IRAK3: variants seen among roughly 807,000 people sequenced by gnomAD.
IRAK3 encodes the protein interleukin-1 receptor-associated kinase 3.
IRAK3 carries 57 observed loss-of-function variants against 56.6 expected under a neutral mutation model. The observed-to-expected ratio is 1.01, with a 90% confidence interval of 0.81 to 1.26. IRAK3 has a LOEUF of 1.26. Among genes scored for constraint, IRAK3 ranks in the 50% most tolerant of loss-of-function variants. IRAK3 has a pLI of 0.00. For missense variants in IRAK3, 703 were observed against 719.0 expected (o/e 0.98, Z 0.25); for synonymous variants, 258 against 255.7 (o/e 1.01, Z -0.09).
intron 1 of IRAK3, among the ~76,000 whole-genome samples, chr12:66,191,398 C>T (rs1463544270): frequency 6.6e-6 from 1 of 152,194 alleles, no homozygotes; most frequent in Non-Finnish European, 1.5e-5. Context: ...TTGTTAGATA[C>T]TGTAGACGGT....
Position 66,247,982 on chromosome 12 carries a change from G to A in IRAK3, c.1602G>A (p.Met534Ile), listed in dbSNP as rs922959047. The A allele has an allele frequency of 6.2e-7, 1 of 1,607,398 alleles. No individual in the cohort carries two copies. Among genetic ancestry groups the A allele is most frequent in the Non-Finnish European group, 8.5e-7 (1 of 1,177,406 alleles). The change falls in exon 12 of 12, where the codon ATG becomes ATA. Residue 534 changes from methionine (M) to isoleucine (I), a missense_variant. Physicochemically the swap from Met to Ile is conservative, Grantham distance 10 (BLOSUM62 1). Transcript: ENST00000261233. ...AGAGAAATGAGGAAGCTTGCAACAT[G>A]CCCAGTTCTTCTTGTGAAGAAAGTT... ...ESKRNEEACN[M>I]PSSSCEESWF... is the part of the protein sequence containing the mutation.
chr12:66,224,387 A>G (rs2052765610), intron 6 of IRAK3, among the ~76,000 whole-genome samples: 1 of 152,224 alleles, frequency 6.6e-6, no homozygotes, highest in Non-Finnish European at 1.5e-5. Context: ...GACAATTTCA[A>G]TAATCTAATT....
At chr12:66,190,952 C>T (rs1565796274) in intron 1 of IRAK3, among the ~76,000 whole-genome samples, 1 of 152,200 alleles carries the variant, frequency 6.6e-6, no homozygotes, top group African/African-American at 2.4e-5. Flanking sequence ...AAGAACAATT[C>T]AGTGATCCAT....
intron 1 of IRAK3, among the ~76,000 whole-genome samples, chr12:66,189,869 TTAA>T (rs1337254345): frequency 6.6e-6 from 1 of 152,208 alleles, no homozygotes; most frequent in Non-Finnish European, 1.5e-5. Context: ...AGCCCCTAAC[TTAA>T]TTACAAGTGA....
At position 66,244,671 on chromosome 12, in the gene IRAK3, A is replaced by G; in HGVS notation, c.1073A>G (p.Tyr358Cys). The change falls in exon 9 of 12, where the codon TAC (tyrosine) becomes TGC (cysteine). Residue 358 changes from tyrosine (Y) to cysteine (C), a missense_variant. Physicochemically the swap from Tyr to Cys is radical, Grantham distance 194. Transcript: ENST00000261233. ...AAACTTTCCATTAAAACAGATGTCT[A>G]CAGCTTTGGAATTGTGAGTACCAAC... is the stretch of plus-strand genomic sequence containing the variant. ...QGKLSIKTDV[Y>C]SFGIVIMEVL... 3 of 1,613,534 alleles carry G rather than the reference A, an allele frequency of 1.9e-6. No individual in the cohort carries two copies. The highest frequency in any genetic ancestry group is 2.5e-6 in the Non-Finnish European group (3 of 1,179,420).
chr12:66,193,155 G>T (rs1487526039), intron 1 of IRAK3, among the ~76,000 whole-genome samples: 1 of 151,850 alleles, frequency 6.6e-6, no homozygotes, highest in Non-Finnish European at 1.5e-5. Flanking sequence ...TTACAGGCAT[G>T]CACCACCATG....
At chr12:66,239,500 G>A (rs900551952) in intron 8 of IRAK3, among the ~76,000 whole-genome samples, 1 of 152,170 alleles carries the variant, frequency 6.6e-6, no homozygotes, top group Admixed American at 6.5e-5. Flanking sequence ...CAGACGGGAA[G>A]GTTGGAGCCC....
At chr12:66,204,038 T>C (rs534216798) in intron 2 of IRAK3, 145 bp downstream of exon 2, 1 of 698,308 alleles carries the variant, frequency 1.4e-6, no homozygotes, top group South Asian at 1.7e-5. Flanking sequence ...GAAGGGACTT[T>C]CCAGCTTCAC....
intron 5 of IRAK3, among the ~76,000 whole-genome samples, chr12:66,216,277 A>G (rs2136929406): frequency 6.6e-6 from 1 of 152,356 alleles, no homozygotes; most frequent in South Asian, 2.1e-4. Context: ...GGCTCCCAGG[A>G]CAATGGTCTT....
At chr12:66,198,259 T>C (rs948786650) in intron 1 of IRAK3, 8 of 205,066 alleles carry the variant, frequency 3.9e-5, no homozygotes, top group African/African-American at 1.9e-4. Flanking sequence ...AAAAATATAT[T>C]GAACGTGTAC....
intron 1 of IRAK3, chr12:66,197,369 A>T: frequency 1.0e-6 from 1 of 999,868 alleles, no homozygotes. Flanking sequence ...AATGATAAAT[A>T]TTGAAGAATG....
intron 5 of IRAK3, among the ~76,000 whole-genome samples, chr12:66,215,786 GCACACACACACACACA>G (rs71096080): frequency 1.5e-4 from 18 of 122,834 alleles, no homozygotes; most frequent in African/African-American, 5.0e-4. Context: ...AACCCAACAT[GCACACACACACACACA>G]CACACACACA....
In IRAK3 at chr12:66,204,866, A is replaced by G. The variant is rs185136802; in HGVS notation, c.316+973A>G. 7.2e-5 allele frequency among the ~76,000 whole-genome samples: 11 copies of G among 151,914 alleles called. 1 individual carries two copies. In the East Asian group the frequency reaches 1.7e-3, roughly 24 times the overall value. ...ACCAGAAAACTGTAGCTTCACATTG[A>G]CTTTTATTTTGATCTTTCCTATTAT... On this transcript the variant is annotated intron_variant, in intron 2 of 11. Coordinates refer to ENST00000261233, the MANE Select transcript of IRAK3 (RefSeq NM_007199.3).
intron 6 of IRAK3, among the ~76,000 whole-genome samples, chr12:66,221,141 G>A (rs1332354867): frequency 6.6e-6 from 1 of 152,032 alleles, no homozygotes. Flanking sequence ...TTGTAAATAG[G>A]ATCATTTCCT....
chr12:66,230,123 ATGTCCC>A (rs1160612239), intron 8 of IRAK3, among the ~76,000 whole-genome samples: 1 of 152,202 alleles, frequency 6.6e-6, no homozygotes, highest in Non-Finnish European at 1.5e-5. Context: ...AGCTCTGCCC[ATGTCCC>A]GTTCTTTTTC....
chr12:66,202,615 C>CA (rs1274633918), intron 1 of IRAK3, among the ~76,000 whole-genome samples: 1 of 150,376 alleles, frequency 6.6e-6, no homozygotes, highest in Non-Finnish European at 1.5e-5. Context: ...CCATCTCTAC[C>CA]AAAAAAGAAA....
Position 66,203,682 on chromosome 12 carries a change from A to G in IRAK3, c.134-29A>G, listed in dbSNP as rs181697271. ...TATTTTGATAAAAGTACAGTAAACA[A>G]TTCTTTGTTTATATTGCAATTTCCA... On this transcript the variant is annotated intron_variant, in intron 1 of 11. Transcript: ENST00000261233. 5.2e-4 allele frequency: 833 copies of G among 1,605,498 alleles called. 3 individuals carry two copies. The highest frequency in any genetic ancestry group is 6.6e-5 in the South Asian group (6 of 90,860).
chr12:66,211,172 G>T (rs1250924007), intron 4 of IRAK3, among the ~76,000 whole-genome samples: 2 of 152,198 alleles, frequency 1.3e-5, no homozygotes, highest in East Asian at 3.9e-4. Context: ...AATCTTGGAA[G>T]AATTTCTTCC....
intron 5 of IRAK3, among the ~76,000 whole-genome samples, chr12:66,213,258 C>G (rs1011701239): frequency 2.0e-5 from 3 of 151,990 alleles, no homozygotes; most frequent in African/African-American, 4.8e-5. Flanking sequence ...TGGAAAGACC[C>G]ACCCCCATGA....
Sources: gnomAD v4.1 joint callset for allele counts (sites outside exome capture counted in the v4.1 genomes callset) on GRCh38, gnomAD v4.1.1 for gene constraint, MANE v1.5 for transcripts, NCBI Gene and HGNC (gene_info 2026-07-23, HGNC 2026-07-21) for gene names.